PHACTR3: variants seen among roughly 807,000 people sequenced by gnomAD.
The protein encoded by PHACTR3 is phosphatase and actin regulator 3.
A neutral mutation model predicts 66.8 loss-of-function variants in PHACTR3; 16 were observed. The ratio of observed to expected loss-of-function variants is 0.24; its 90% CI spans 0.16 to 0.36. The LOEUF is 0.36. Ranked by LOEUF, PHACTR3 falls within the 10% of genes least tolerant of loss-of-function variation. The pLI, the probability that PHACTR3 is intolerant of heterozygous loss-of-function variation, is 1.00. For synonymous variants in PHACTR3, 323 were observed against 292.1 expected (o/e 1.11, Z -1.08); for missense variants, 647 against 719.9 (o/e 0.90, Z 1.16).
intron 1 of PHACTR3, among the ~76,000 whole-genome samples, chr20:59,701,712 CA>C (rs147898057): frequency 0.034 from 5,222 of 152,312 alleles, 125 homozygotes; most frequent in Middle Eastern, 0.078. Flanking sequence ...AACTGATCAA[CA>C]AATGTTGATG....
At position 59,791,265 on chromosome 20, in the gene PHACTR3, A is replaced by G. The variant is rs560972594; in HGVS notation, c.1175-14776A>G. On this transcript the variant is annotated intron_variant, in intron 7 of 12. Transcript: ENST00000371015. Reference sequence around the variant, plus strand: ...CTTTGCCCTTCTGTTATGTTATGACATAACAAGAAGGCCCCTTGTTATGCT... The same window carrying G: ...CTTTGCCCTTCTGTTATGTTATGACGTAACAAGAAGGCCCCTTGTTATGCT... Among the ~76,000 whole-genome samples the G allele has an allele frequency of 2.4e-4, 37 of 152,302 alleles. No individual in the cohort carries two copies. The South Asian group carries it at 5.0e-3, about 20-fold the overall frequency.
intron 1 of PHACTR3, among the ~76,000 whole-genome samples, chr20:59,608,422 A>G (rs1444184986): frequency 6.6e-6 from 1 of 152,202 alleles, no homozygotes; most frequent in Non-Finnish European, 1.5e-5. Flanking sequence ...AATTTAATCA[A>G]AGGTAAGGAA....
chr20:59,663,639 C>T (rs370057881), intron 1 of PHACTR3, among the ~76,000 whole-genome samples: 1 of 152,214 alleles, frequency 6.6e-6, no homozygotes, highest in African/African-American at 2.4e-5. Context: ...CAAGCCCTCA[C>T]GCAGAGCAGG....
At chr20:59,626,051 C>T (rs920517367) in intron 1 of PHACTR3, among the ~76,000 whole-genome samples, 2 of 152,114 alleles carry the variant, frequency 1.3e-5, no homozygotes, top group African/African-American at 2.4e-5. Flanking sequence ...GGGGGTCTGA[C>T]CCAGGTGTTC....
At chr20:59,582,925 T>C (rs1051820648) in intron 1 of PHACTR3, among the ~76,000 whole-genome samples, 4 of 151,762 alleles carry the variant, frequency 2.6e-5, no homozygotes, top group African/African-American at 9.7e-5. Context: ...GTAAAATGTA[T>C]CCAGCTTTTT....
chr20:59,683,762 T>G (rs2146550272), intron 1 of PHACTR3, among the ~76,000 whole-genome samples: 1 of 152,268 alleles, frequency 6.6e-6, no homozygotes, highest in Non-Finnish European at 1.5e-5. Context: ...CTTGGAAGAT[T>G]GGAGGGAAAT....
intron 8 of PHACTR3, among the ~76,000 whole-genome samples, chr20:59,811,660 TG>T (rs1247235282): frequency 9.7e-6 from 1 of 103,270 alleles, no homozygotes; most frequent in East Asian, 2.9e-4. Flanking sequence ...ACAGGGGGGT[TG>T]GGGGTGGTGG....
intron 8 of PHACTR3, among the ~76,000 whole-genome samples, chr20:59,808,450 TCTC>T (rs1210878910): frequency 1.3e-5 from 2 of 152,176 alleles, no homozygotes; most frequent in African/African-American, 4.8e-5. Flanking sequence ...ACAGTCCACA[TCTC>T]CTGCCCACCC....
intron 11 of PHACTR3, among the ~76,000 whole-genome samples, chr20:59,842,071 G>C (rs2059073491): frequency 6.6e-6 from 1 of 152,138 alleles, no homozygotes. Context: ...AGGTATCTCT[G>C]AGAACCTCCT....
chr20:59,650,982 C>G (rs1260363966), intron 1 of PHACTR3, among the ~76,000 whole-genome samples: 2 of 151,954 alleles, frequency 1.3e-5, no homozygotes, highest in African/African-American at 4.8e-5. Flanking sequence ...CTGATTTAAG[C>G]AAGATGTCAA....
At chr20:59,836,879 T>C (rs1224830140) in intron 9 of PHACTR3, among the ~76,000 whole-genome samples, 3 of 152,194 alleles carry the variant, frequency 2.0e-5, no homozygotes, top group African/African-American at 4.8e-5. Context: ...TTCATGGCTA[T>C]AGAAATCACA....
At chr20:59,746,837 C>T (rs1296313417) in intron 2 of PHACTR3, among the ~76,000 whole-genome samples, 3 of 152,126 alleles carry the variant, frequency 2.0e-5, no homozygotes, top group African/African-American at 2.4e-5. Context: ...GCCCAGTGGT[C>T]GGAGAAGACC....
At chr20:59,672,269 G>C (rs984809461) in intron 1 of PHACTR3, among the ~76,000 whole-genome samples, 1 of 152,236 alleles carries the variant, frequency 6.6e-6, no homozygotes, top group Admixed American at 6.5e-5. Flanking sequence ...TCCCTGCGTT[G>C]GAGTCACAGT....
At chr20:59,676,594 G>C (rs2036456674) in intron 1 of PHACTR3, 7 of 586,148 alleles carry the variant, frequency 1.2e-5, no homozygotes, top group Non-Finnish European at 1.5e-5. Flanking sequence ...GGTTTTCTCA[G>C]GGAGCGGAGC....
At chr20:59,727,001 C>T (rs1316551947) in intron 1 of PHACTR3, among the ~76,000 whole-genome samples, 3 of 152,108 alleles carry the variant, frequency 2.0e-5, no homozygotes, top group African/African-American at 7.2e-5. Context: ...GCAGTGAGTG[C>T]AGTCACATTG....
At chr20:59,744,091 A>G (rs929458057) in intron 2 of PHACTR3, among the ~76,000 whole-genome samples, 1 of 152,246 alleles carries the variant, frequency 6.6e-6, no homozygotes, top group Non-Finnish European at 1.5e-5. Context: ...CGTAAGGCAC[A>G]TAACGGCAGA....
chr20:59,843,600 TA>T (rs2059101934), intron 11 of PHACTR3: 1 of 152,072 alleles, frequency 6.6e-6, no homozygotes, highest in African/African-American at 2.4e-5. Flanking sequence ...CACTCTTCAA[TA>T]AATGGTGCTG....
chr20:59,597,870 A>T (rs2033367928), intron 1 of PHACTR3, among the ~76,000 whole-genome samples: 1 of 152,262 alleles, frequency 6.6e-6, no homozygotes. Flanking sequence ...TCAGGACTGC[A>T]AACTGCACCT....
At chr20:59,784,649 C>A (rs1255312295) in intron 7 of PHACTR3, among the ~76,000 whole-genome samples, 1 of 152,116 alleles carries the variant, frequency 6.6e-6, no homozygotes, top group Middle Eastern at 3.2e-3. Context: ...CCTTTATTCA[C>A]CCTGTAAAGA....
Sources: allele counts gnomAD v4.1 joint callset (sites outside exome capture counted in the v4.1 genomes callset), GRCh38; gene constraint gnomAD v4.1.1; transcripts MANE v1.5; gene names NCBI Gene and HGNC (gene_info 2026-07-23, HGNC 2026-07-21).